Variants in LHFPL4 observed in about 807,000 individuals in gnomAD.
LHFPL4 encodes the protein LHFPL tetraspan subfamily member 4, also known as LHFPL tetraspan subfamily member 4 protein.
In LHFPL4, 6 loss-of-function variants were observed where a neutral mutation model predicts 20.0. The ratio of observed to expected loss-of-function variants is 0.30; its 90% confidence interval spans 0.16 to 0.59. The LOEUF (loss-of-function observed/expected upper bound fraction) is 0.59. LHFPL4 is among the 20% of genes least tolerant of loss of function. LHFPL4 has a pLI of 0.88. For missense variants in LHFPL4, 215 were observed against 331.2 expected (o/e 0.65, Z 2.72); for synonymous variants, 129 against 143.8 (o/e 0.90, Z 0.74).
intron 2 of LHFPL4, among the ~76,000 whole-genome samples, chr3:9,550,153 C>A (rs1424643041): frequency 3.3e-5 from 5 of 152,180 alleles, no homozygotes; most frequent in African/African-American, 4.8e-5. Context: ...CCCAAGTCAG[C>A]CAAGAACCCC....
At chr3:9,540,983 A>G (rs1184412402) in intron 2 of LHFPL4, among the ~76,000 whole-genome samples, 3 of 152,020 alleles carry the variant, frequency 2.0e-5, no homozygotes, top group South Asian at 2.1e-4. Flanking sequence ...TCTGTCACCC[A>G]GGCTGGAGTG....
intron 2 of LHFPL4, among the ~76,000 whole-genome samples, chr3:9,520,336 GGTT>G (rs1398821338): frequency 6.6e-6 from 1 of 151,880 alleles, no homozygotes; most frequent in African/African-American, 2.4e-5. Flanking sequence ...TTTATCTTGA[GGTT>G]TTTTGTTGTT....
chr3:9,549,838 A>G (rs1184026306), intron 2 of LHFPL4, among the ~76,000 whole-genome samples: 1 of 152,210 alleles, frequency 6.6e-6, no homozygotes, highest in African/African-American at 2.4e-5. Flanking sequence ...AATGATCTTG[A>G]TGAAAGAGTT....
intron 2 of LHFPL4, among the ~76,000 whole-genome samples, chr3:9,549,656 C>G (rs1396440209): frequency 6.6e-6 from 1 of 152,156 alleles, no homozygotes; most frequent in Non-Finnish European, 1.5e-5. Context: ...AAGATCATGC[C>G]ATTGCACTCC....
rs369672727 is a variant in LHFPL4 at position 9,544,411 on chromosome 3, G to T, written c.406+7863C>A. ...AGGTCGAGGTAGGTGGATCACCCAA[G>T]GTCAGGAGTTCAAGACCAGCCTGGC... On this transcript the variant is annotated intron_variant, in intron 2 of 3. Coordinates refer to ENST00000287585, the MANE Select transcript of LHFPL4 (RefSeq NM_198560.3). Among the ~76,000 whole-genome samples, 12 of 152,144 alleles carry T rather than the reference G, an allele frequency of 7.9e-5. No individual in the cohort carries two copies. In the East Asian group the frequency reaches 1.5e-3, roughly 20 times the overall value.
chr3:9,510,401 C>A (rs1012881411), intron 2 of LHFPL4, among the ~76,000 whole-genome samples: 32 of 145,770 alleles, frequency 2.2e-4, no homozygotes, highest in Non-Finnish European at 3.6e-4. Flanking sequence ...TGCACCATTG[C>A]ACTACAGCCT....
rs1183502642 is a variant in LHFPL4 at position 9,543,504 on chromosome 3, C to CA, written c.406+8769dup. Among the ~76,000 whole-genome samples, 599 of 138,816 alleles carry CA rather than the reference C, an allele frequency of 4.3e-3. 3 individuals are homozygous for CA. The highest frequency in any genetic ancestry group is 0.011 in the African/African-American group (417 of 37,742). 91.1% of individuals were successfully genotyped at this position (138,816 alleles called of 152,430 possible). A position where few individuals can be genotyped will look rare whatever the true frequency, so the allele number is the denominator to read the frequency against. ...AACAGAATGAGATTCTGTCTCAAAA[C>CA]AAAAAAAAAAGAAAAAAAAAGTGGG... On this transcript the variant is annotated intron_variant, in intron 2 of 3. Transcript: ENST00000287585.
intron 2 of LHFPL4, among the ~76,000 whole-genome samples, chr3:9,511,784 C>G (rs1292622129): frequency 6.6e-6 from 1 of 152,178 alleles, no homozygotes; most frequent in African/African-American, 2.4e-5. Flanking sequence ...CTGAAACTTT[C>G]TCCTTAAAGT....
At chr3:9,542,760 T>C (rs1340611552) in intron 2 of LHFPL4, among the ~76,000 whole-genome samples, 1 of 149,946 alleles carries the variant, frequency 6.7e-6, no homozygotes, top group Non-Finnish European at 1.5e-5. Flanking sequence ...TGAGCTATGA[T>C]TGCAACACTG....
At chr3:9,525,184 G>A (rs922483002) in intron 2 of LHFPL4, among the ~76,000 whole-genome samples, 2 of 152,130 alleles carry the variant, frequency 1.3e-5, no homozygotes, top group African/African-American at 4.8e-5. Flanking sequence ...GAACCATGAG[G>A]GGATTTTTCT....
intron 2 of LHFPL4, 42 bp downstream of exon 2, chr3:9,552,232 C>A: frequency 6.5e-7 from 1 of 1,548,704 alleles, no homozygotes; most frequent in Non-Finnish European, 8.7e-7. Flanking sequence ...GAGCCCCGTC[C>A]CTGGCGCTTG....
At chr3:9,543,616 C>T (rs1043749239) in intron 2 of LHFPL4, among the ~76,000 whole-genome samples, 2 of 152,066 alleles carry the variant, frequency 1.3e-5, no homozygotes, top group African/African-American at 2.4e-5. Flanking sequence ...GTCATAGCTA[C>T]CTGCCCATCT....
intron 2 of LHFPL4, among the ~76,000 whole-genome samples, chr3:9,511,231 G>C (rs1468122592): frequency 6.7e-6 from 1 of 150,038 alleles, no homozygotes; most frequent in Non-Finnish European, 1.5e-5. Context: ...GGTGCCTGTA[G>C]TCCCAGCTAC....
Position 9,540,228 on chromosome 3 carries a change from C to T in LHFPL4, c.406+12046G>A, listed in dbSNP as rs115109719. ...GATGCACCTATAGAAAAGTTTATTACGTGGCTGTTAAGAAAAAGGTGGCTC... is the reference window on the plus strand; with the variant it reads ...GATGCACCTATAGAAAAGTTTATTATGTGGCTGTTAAGAAAAAGGTGGCTC... On this transcript the variant is annotated intron_variant, in intron 2 of 3. Coordinates refer to ENST00000287585, the MANE Select transcript of LHFPL4 (RefSeq NM_198560.3). 5.4e-3 allele frequency among the ~76,000 whole-genome samples: 825 copies of T among 152,204 alleles called. 10 individuals are homozygous for T. Among genetic ancestry groups the T allele is most frequent in the African/African-American group, 0.019 (785 of 41,540 alleles).
chr3:9,540,536 A>G (rs1433237078), intron 2 of LHFPL4, among the ~76,000 whole-genome samples: 1 of 152,162 alleles, frequency 6.6e-6, no homozygotes, highest in Non-Finnish European at 1.5e-5. Flanking sequence ...AACCTTGAAA[A>G]TGAAGAACAA....
chr3:9,525,164 G>C (rs1272677919), intron 2 of LHFPL4, among the ~76,000 whole-genome samples: 2 of 152,068 alleles, frequency 1.3e-5, no homozygotes, highest in African/African-American at 2.4e-5. Flanking sequence ...CTTTTTCCCT[G>C]CTCTTGCCAG....
In LHFPL4 at chr3:9,499,560, C is replaced by T. The variant is rs190747721; in HGVS notation, c.*2651G>A. On this transcript the variant is annotated 3_prime_UTR_variant, in exon 4 of 4. Coordinates refer to ENST00000287585, the MANE Select transcript of LHFPL4 (RefSeq NM_198560.3). ...GCTACCCCACCAGGGAACTAGCCTC[C>T]CTCCTCTCCACCCGGCGCTGACCCA... 2 of 152,560 alleles carry T rather than the reference C, an allele frequency of 1.3e-5. No individual in the cohort carries two copies. The highest frequency in any genetic ancestry group is 1.3e-4 in the Admixed American group (2 of 15,310). 9.5% of individuals were successfully genotyped at this position (152,560 alleles called of 1,614,324 possible). A position where few individuals can be genotyped will look rare whatever the true frequency, so the allele number is the denominator to read the frequency against.
chr3:9,517,790 T>G (rs1425893515), intron 2 of LHFPL4, among the ~76,000 whole-genome samples: 1 of 140,474 alleles, frequency 7.1e-6, no homozygotes, highest in Non-Finnish European at 1.6e-5. Context: ...TATAGGAGGT[T>G]GGGTTTTTTT....
intron 2 of LHFPL4, among the ~76,000 whole-genome samples, chr3:9,524,896 A>C (rs1371539385): frequency 2.0e-5 from 3 of 152,146 alleles, no homozygotes; most frequent in African/African-American, 7.2e-5. Flanking sequence ...AAGATGTGGG[A>C]AGAGGGGAAG....
Sources: gnomAD v4.1 joint callset for allele counts (sites outside exome capture counted in the v4.1 genomes callset) on GRCh38, gnomAD v4.1.1 for gene constraint, MANE v1.5 for transcripts, NCBI Gene and HGNC (gene_info 2026-07-23, HGNC 2026-07-21) for gene names.